The following PALB2 variants were observed in gnomAD, a reference collection of about 807,000 sequenced individuals.
PALB2 encodes the protein mutant partner and localizer of BRCA2.
PALB2 carries 82 observed loss-of-function variants against 107.4 expected under a neutral mutation model. The ratio of observed to expected loss-of-function variants is 0.76; its 90% CI spans 0.64 to 0.92. The LOEUF is 0.92. Ranked by LOEUF, PALB2 falls within the 40% of genes least tolerant of loss-of-function variation. The pLI, the probability that PALB2 is intolerant of heterozygous loss-of-function variation, is 0.00. For synonymous variants in PALB2, 489 were observed against 496.8 expected, an observed-to-expected ratio of 0.98 and a Z score of 0.21; for missense variants, 1,374 against 1,379.9, an observed-to-expected ratio of 1.00 and a Z score of 0.07.
intron 10 of PALB2, among the ~76,000 whole-genome samples, chr16:23,615,318 T>C (rs1012921851): frequency 4.6e-5 from 7 of 152,076 alleles, no homozygotes; most frequent in Non-Finnish European, 8.8e-5. Context: ...TTTTTTTGTT[T>C]TTGGAGCTTA....
rs786203462 is a variant in PALB2 at position 23,603,569 on chromosome 16, G to C, written c.3451C>G (p.Leu1151Val). 6.2e-7 allele frequency: 1 copy of C among 1,614,074 alleles called. No individual in the cohort carries two copies. Among genetic ancestry groups the C allele is most frequent in the Non-Finnish European group, 8.5e-7 (1 of 1,179,980 alleles). Residue 1151 changes from leucine (L) to valine (V), a missense_variant, in exon 13 of 13, where the codon CTC becomes GTC. Leu to Val is a conservative substitution (Grantham distance 32). Coordinates refer to ENST00000261584, the MANE Select transcript of PALB2 (RefSeq NM_024675.4). ...DLLLGQCTAL[L>V]PPVSDQHWSF... ...CAATGTTGGTCAGAGACAGGTGGGAGGAGGGCAGTACACTGACCGAGAAGT... is the reference window on the plus strand; with the variant it reads ...CAATGTTGGTCAGAGACAGGTGGGACGAGGGCAGTACACTGACCGAGAAGT...
rs1555461472 is a variant in PALB2 at position 23,635,481 on chromosome 16, TA to T, written c.1064del (p.Leu355Ter). On this transcript the variant is annotated frameshift_variant, in exon 4 of 13. Transcript: ENST00000261584. LOFTEE classifies it high-confidence loss of function. Reference sequence around the variant, plus strand: ...CATCAAGAGTGTCACTGGGAGATTTTAAAGATTTCTCTGTTTGATTTTGTTC... The same window carrying T: ...CATCAAGAGTGTCACTGGGAGATTTTAAGATTTCTCTGTTTGATTTTGTTC... ...LKEQNQTEKS[L>X]KSPSDTLDGR... 1.9e-6 allele frequency: 3 copies of T among 1,614,164 alleles called. No homozygotes were observed. Among genetic ancestry groups the T allele is most frequent in the Non-Finnish European group, 2.5e-6 (3 of 1,180,004 alleles).
At chr16:23,622,727 A>G (rs950574218) in intron 9 of PALB2, among the ~76,000 whole-genome samples, 3 of 152,164 alleles carry the variant, frequency 2.0e-5, no homozygotes, top group African/African-American at 7.2e-5. Flanking sequence ...CACAGATTTC[A>G]AGAAGACTGA....
rs777555497 is a variant in PALB2, at chr16:23,629,658, A to C, written c.2496T>G (p.His832Gln). The C allele has an allele frequency of 6.2e-7, 1 of 1,614,196 alleles. No homozygotes were observed. The highest frequency in any genetic ancestry group is 8.5e-7 in the Non-Finnish European group (1 of 1,180,016). The change falls in exon 5 of 13, where the codon CAT (histidine) becomes CAG (glutamine). Residue 832 changes from histidine (H) to glutamine (Q), a missense_variant. His to Gln is a conservative substitution (Grantham distance 24). Transcript: ENST00000261584. ...QLCRNTCQELHKHSVEQTETA... is the reference protein window; with the variant it reads ...QLCRNTCQELQKHSVEQTETA... ...ATTGTACCTGTTCGACGGAATGTTT[A>C]TGCAGCTCCTGGCATGTGTTTCTAC...
intron 11 of PALB2, 25 bp from the exon 12 acceptor site, chr16:23,608,037 C>A (rs1337388504): frequency 6.2e-7 from 1 of 1,606,878 alleles, no homozygotes; most frequent in Non-Finnish European, 8.5e-7. Flanking sequence ...AAATAAATAT[C>A]CCAAATAGAC....
chr16:23,632,693 T>C (rs513313), intron 4 of PALB2, among the ~76,000 whole-genome samples: 19,609 of 152,238 alleles, frequency 0.13, 1,531 homozygotes, highest in African/African-American at 0.21. Context: ...TGTAAATGTA[T>C]TGACTTGTTC....
chr16:23,606,970 T>C (rs1464179799), intron 12 of PALB2, among the ~76,000 whole-genome samples: 7 of 151,848 alleles, frequency 4.6e-5, no homozygotes, highest in South Asian at 2.1e-4. Context: ...CCTGCCACCG[T>C]GCCCAGCTAA....
At chr16:23,626,801 T>C (rs13339215) in intron 6 of PALB2, among the ~76,000 whole-genome samples, 27,242 of 151,770 alleles carry the variant, frequency 0.18, 2,542 homozygotes, top group African/African-American at 0.21. Flanking sequence ...TTTGTATTTT[T>C]AGTAGAGACA....
At chr16:23,627,481 A>G (rs566133320) in intron 6 of PALB2, among the ~76,000 whole-genome samples, 4,208 of 147,702 alleles carry the variant, frequency 0.028, 81 homozygotes, top group Middle Eastern at 0.077. Flanking sequence ...GCGACAGAGC[A>G]AGACTCCGTC....
intron 10 of PALB2, among the ~76,000 whole-genome samples, chr16:23,618,919 G>GATCAGAACATA (rs2142317016): frequency 6.6e-6 from 1 of 152,306 alleles, no homozygotes; most frequent in Non-Finnish European, 1.5e-5. Context: ...TCTGAAAGCA[G>GATCAGAACATA]GGTCTTCTGG....
Position 23,634,902 on chromosome 16 carries a change from TGA to T in PALB2, c.1642_1643del (p.Ser548ThrfsTer29), listed in dbSNP as rs763071340. On this transcript the variant is annotated frameshift_variant, in exon 4 of 13. Transcript: ENST00000261584. LOFTEE classifies it high-confidence loss of function. ...ATAATTTTTCGTGCTGATATTTGTGTGAGGTGACTTCTTCCTTGGACCTGTTA... is the reference window on the plus strand; with the variant it reads ...ATAATTTTTCGTGCTGATATTTGTGTGGTGACTTCTTCCTTGGACCTGTTA... Reference protein sequence around the residue: ...IVNRSKEEVTSHKYQHEKLFI... With the variant: ...IVNRSKEEVTXHKYQHEKLFI... 6.2e-7 allele frequency: 1 copy of T among 1,614,124 alleles called. No individual in the cohort carries two copies. The highest frequency in any genetic ancestry group is 1.1e-5 in the South Asian group (1 of 91,084).
At position 23,603,682 on chromosome 16, in the gene PALB2, A is replaced by G. The variant is rs2142255827; in HGVS notation, c.3351-13T>C. ...ACCTTCCAGGAACCTGATAGCATAC[A>G]AAGAAGATATAATTCAGATTACATA... On this transcript the variant is annotated splice_polypyrimidine_tract_variant and intron_variant, in intron 12 of 12. Coordinates refer to ENST00000261584, the MANE Select transcript of PALB2 (RefSeq NM_024675.4). 6.2e-7 allele frequency: 1 copy of G among 1,611,646 alleles called. No homozygotes were observed. The highest frequency in any genetic ancestry group is 1.1e-5 in the South Asian group (1 of 90,968).
At chr16:23,625,265 G>A (rs1264970754) in intron 7 of PALB2, among the ~76,000 whole-genome samples, 7 of 151,748 alleles carry the variant, frequency 4.6e-5, no homozygotes, top group African/African-American at 7.3e-5. Flanking sequence ...CCCGGGAAGC[G>A]GAGATTGCAG....
In PALB2 at chr16:23,630,422, T is replaced by C. The variant is rs764023822; in HGVS notation, c.1732A>G (p.Ser578Gly). The part of the protein sequence containing the change: ...QKEDSLSWSN[S>G]AYLSLDDDAF... ...TCATCATCCAAGGATAAATAAGCAC[T>C]ATTACTCCAAGAAAGGGAATCCTCT... The change falls in exon 5 of 13, where the codon AGT becomes GGT. Residue 578 changes from serine (S) to glycine (G), a missense_variant. Ser to Gly is a moderately conservative substitution (Grantham distance 56). Transcript: ENST00000261584. 5.0e-6 allele frequency: 8 copies of C among 1,613,974 alleles called. No homozygotes were observed. Among genetic ancestry groups the C allele is most frequent in the Non-Finnish European group, 6.8e-6 (8 of 1,179,970 alleles).
chr16:23,610,316 T>A (rs1567208112), intron 11 of PALB2, among the ~76,000 whole-genome samples: 1 of 151,436 alleles, frequency 6.6e-6, no homozygotes. Context: ...TTTCTTTTTT[T>A]TTTTTTTTTT....
chr16:23,628,134 G>A (rs1444251847), intron 6 of PALB2, among the ~76,000 whole-genome samples: 1 of 152,222 alleles, frequency 6.6e-6, no homozygotes, highest in Admixed American at 6.5e-5. Flanking sequence ...TGAGGCACGA[G>A]AATTGCTTGA....
intron 1 of PALB2, chr16:23,640,461 G>A (rs906999907): frequency 2.9e-5 from 6 of 204,952 alleles, no homozygotes; most frequent in Non-Finnish European, 6.0e-5. Context: ...CCGAGATCGC[G>A]CCACTGCACC....
At chr16:23,631,582 A>C (rs1567219441) in intron 4 of PALB2, among the ~76,000 whole-genome samples, 1 of 152,226 alleles carries the variant, frequency 6.6e-6, no homozygotes, top group Non-Finnish European at 1.5e-5. Flanking sequence ...GTGTATGGTC[A>C]ATAGTATTAA....
intron 9 of PALB2, 64 bp downstream of exon 9, chr16:23,622,905 T>C (rs2142333456): frequency 6.3e-7 from 1 of 1,597,558 alleles, no homozygotes; most frequent in Non-Finnish European, 8.6e-7. Context: ...CCCAACTTTC[T>C]CTGAAACCTG....
Sources: allele counts gnomAD v4.1 joint callset (sites outside exome capture counted in the v4.1 genomes callset), GRCh38; gene constraint gnomAD v4.1.1; transcripts MANE v1.5; gene names NCBI Gene and HGNC (gene_info 2026-07-23, HGNC 2026-07-21).